Variants in ROR1 observed in about 807,000 individuals in gnomAD.
ROR1 encodes the protein inactive tyrosine-protein kinase transmembrane receptor ROR1.
ROR1 carries 19 observed loss-of-function variants against 78.8 expected under a neutral mutation model. That is an observed-to-expected ratio of 0.24 (90% CI 0.17 to 0.35). The LOEUF is 0.35. Among genes scored for constraint, ROR1 ranks in the 10% least tolerant of loss-of-function variants. The probability of loss-of-function intolerance (pLI) is 1.00; values close to 1 mark genes in which losing one functional copy is unlikely to be tolerated. For missense variants in ROR1, 917 were observed against 1,177.8 expected (o/e 0.78, Z 3.24); for synonymous variants, 386 against 433.6 (o/e 0.89, Z 1.36).
intron 1 of ROR1, among the ~76,000 whole-genome samples, chr1:63,926,096 A>G (rs955333776): frequency 1.3e-5 from 2 of 152,162 alleles, no homozygotes; most frequent in Non-Finnish European, 2.9e-5. Flanking sequence ...GTCCATGCCT[A>G]AGTCCTGAAT....
chr1:64,050,762 G>A lies in ROR1; in HGVS notation c.482+46G>A, dbSNP rs75700603. The A allele has an allele frequency of 7.1e-4, 1,139 of 1,598,860 alleles. 6 individuals are homozygous for A. The African/African-American group carries it at 0.013, about 18-fold the overall frequency. ...TCTTGTCATTTCTAAGTGTTTCTCC[G>A]TGGTTTTCTAGGGCAAAAGCAATGT... On this transcript the variant is annotated intron_variant, in intron 4 of 8. Transcript: ENST00000371079.
chr1:63,827,666 A>G (rs187765867), intron 1 of ROR1, among the ~76,000 whole-genome samples: 5 of 152,334 alleles, frequency 3.3e-5, no homozygotes, highest in South Asian at 4.1e-4. Context: ...AGGACAGCCT[A>G]TTAAAGGAAG....
intron 1 of ROR1, among the ~76,000 whole-genome samples, chr1:63,946,235 G>A (rs1178642646): frequency 6.6e-6 from 1 of 152,126 alleles, no homozygotes; most frequent in East Asian, 1.9e-4. Context: ...TAATCAAATA[G>A]CTATTGGTTC....
intron 2 of ROR1, among the ~76,000 whole-genome samples, chr1:64,025,949 T>C (rs844319): frequency 0.38 from 57,380 of 151,868 alleles, 11,049 homozygotes; most frequent in South Asian, 0.49. Flanking sequence ...CCAAAATATC[T>C]CAAATCACCA....
intron 4 of ROR1, among the ~76,000 whole-genome samples, chr1:64,113,245 G>A (rs1030385453): frequency 2.6e-5 from 4 of 152,174 alleles, no homozygotes; most frequent in Non-Finnish European, 5.9e-5. Flanking sequence ...ATTAAGGGAA[G>A]AGATTGTATT....
In ROR1 at chr1:63,796,656, A is replaced by G. The variant is rs368760342; in HGVS notation, c.91+22148A>G. Among the ~76,000 whole-genome samples, 71 of 152,350 alleles carry G rather than the reference A, an allele frequency of 4.7e-4. No individual in the cohort carries two copies. The South Asian group carries it at 0.013, about 28-fold the overall frequency. The stretch of plus-strand genomic sequence containing the variant: ...TGTGAGAAAAAAGGTTTAAAGGCAG[A>G]AACAGGCACAAGCAGTCGTACATTC... On this transcript the variant is annotated intron_variant, in intron 1 of 8. Coordinates refer to ENST00000371079, the MANE Select transcript of ROR1 (RefSeq NM_005012.4).
chr1:64,035,316 C>A (rs1208757856), intron 2 of ROR1, among the ~76,000 whole-genome samples: 1 of 152,194 alleles, frequency 6.6e-6, no homozygotes, highest in Non-Finnish European at 1.5e-5. Context: ...GAAGAGGAAG[C>A]TTAAGTTAGA....
intron 4 of ROR1, among the ~76,000 whole-genome samples, chr1:64,068,036 A>G (rs1041245631): frequency 1.3e-5 from 2 of 152,226 alleles, no homozygotes; most frequent in Non-Finnish European, 2.9e-5. Context: ...GGGATATTGC[A>G]TAAATTGAAA....
At chr1:63,864,957 G>A (rs1236891634) in intron 1 of ROR1, among the ~76,000 whole-genome samples, 2 of 151,450 alleles carry the variant, frequency 1.3e-5, no homozygotes, top group Admixed American at 6.6e-5. Context: ...TGTGAGTTCA[G>A]TTTCCCATTT....
At chr1:64,038,341 G>A (rs1646719994) in intron 2 of ROR1, among the ~76,000 whole-genome samples, 1 of 152,084 alleles carries the variant, frequency 6.6e-6, no homozygotes, top group African/African-American at 2.4e-5. Flanking sequence ...ACCTTGGCCA[G>A]CCTGTTTTGA....
intron 1 of ROR1, among the ~76,000 whole-genome samples, chr1:63,968,145 G>A (rs2100493609): frequency 6.6e-6 from 1 of 152,216 alleles, no homozygotes; most frequent in African/African-American, 2.4e-5. Context: ...TGTATCCGAA[G>A]CTAGTCATCC....
chr1:64,000,464 G>C (rs776096820), intron 1 of ROR1, among the ~76,000 whole-genome samples: 2 of 152,116 alleles, frequency 1.3e-5, no homozygotes, highest in Non-Finnish European at 2.9e-5. Flanking sequence ...TGTTAACTTT[G>C]GGTCCACTCA....
At chr1:64,170,550 C>G (rs1650206756) in intron 8 of ROR1, among the ~76,000 whole-genome samples, 1 of 152,182 alleles carries the variant, frequency 6.6e-6, no homozygotes, top group Admixed American at 6.5e-5. Flanking sequence ...GCCTTGGAGA[C>G]ATTTTCCCCA....
chr1:63,782,770 C>T (rs1644660378), intron 1 of ROR1, among the ~76,000 whole-genome samples: 1 of 152,116 alleles, frequency 6.6e-6, no homozygotes, highest in African/African-American at 2.4e-5. Context: ...CATAGGGTGC[C>T]TCTAGCACTG....
intron 4 of ROR1, among the ~76,000 whole-genome samples, chr1:64,127,481 C>CCTCTCTCTGTCTCT (rs1648750877): frequency 6.6e-6 from 1 of 151,016 alleles, no homozygotes; most frequent in African/African-American, 2.4e-5. Flanking sequence ...TTCTCTGTCT[C>CCTCTCTCTGTCTCT]CTCTCTCTGT....
At chr1:64,009,576 C>T (rs371321678) in intron 2 of ROR1, among the ~76,000 whole-genome samples, 200 bp downstream of exon 2, 3 of 152,140 alleles carry the variant, frequency 2.0e-5, no homozygotes, top group African/African-American at 7.2e-5. Flanking sequence ...TTCTTTCCCC[C>T]CCTCGTTCCT....
In ROR1 at chr1:64,139,122, G is replaced by A. The variant is rs563973314; in HGVS notation, c.611-987G>A. 5.9e-5 allele frequency among the ~76,000 whole-genome samples: 8 copies of A among 134,684 alleles called. No homozygotes were observed. The East Asian group carries it at 6.7e-4, about 11-fold the overall frequency. The allele number at this position is 134,684 out of a possible 152,430, so 88.4% of individuals were successfully genotyped here. ...GCAGAAGTTGCACTGAGCTGAGAGCGTAACCCTGCACTCCAGCCTGGGCGA... is the reference window on the plus strand; with the variant it reads ...GCAGAAGTTGCACTGAGCTGAGAGCATAACCCTGCACTCCAGCCTGGGCGA... On this transcript the variant is annotated intron_variant, in intron 5 of 8. Transcript: ENST00000371079.
At chr1:63,939,429 C>T (rs557048230) in intron 1 of ROR1, among the ~76,000 whole-genome samples, 14 of 152,196 alleles carry the variant, frequency 9.2e-5, no homozygotes, top group African/African-American at 2.4e-4. Context: ...AAAAATTTTG[C>T]TTATTTTCCT....
At position 63,872,191 on chromosome 1, in the gene ROR1, G is replaced by A. The variant is rs115782732; in HGVS notation, c.91+97683G>A. ...TCTACAGTAGTTCCCATTAGTAAAC[G>A]GTTAAATATCACCCTTCCCTGGTAA... On this transcript the variant is annotated intron_variant, in intron 1 of 8. Coordinates refer to ENST00000371079, the MANE Select transcript of ROR1 (RefSeq NM_005012.4). Among the ~76,000 whole-genome samples, 253 of 152,222 alleles carry A rather than the reference G, an allele frequency of 1.7e-3. 1 individual carries two copies. The highest frequency in any genetic ancestry group is 5.9e-3 in the African/African-American group (244 of 41,560).
Sources: gnomAD v4.1 joint callset for allele counts (sites outside exome capture counted in the v4.1 genomes callset) on GRCh38, gnomAD v4.1.1 for gene constraint, MANE v1.5 for transcripts, NCBI Gene and HGNC (gene_info 2026-07-23, HGNC 2026-07-21) for gene names.